The following EYS variants were observed in gnomAD, a reference collection of about 807,000 sequenced individuals.
EYS encodes protein eyes shut homolog.
EYS carries 250 observed loss-of-function variants against 282.1 expected under a neutral mutation model. That is an observed-to-expected ratio of 0.89 (90% confidence interval 0.80 to 0.98). The LOEUF (loss-of-function observed/expected upper bound fraction) is 0.98. EYS is among the 50% of genes least tolerant of loss of function. EYS has a pLI of 0.00. For synonymous variants in EYS, 1,355 were observed against 1,282.9 expected, an observed-to-expected ratio of 1.06 and a Z score of -1.20; for missense variants, 4,016 against 3,709.0, an observed-to-expected ratio of 1.08 and a Z score of -2.15.
intron 12 of EYS, among the ~76,000 whole-genome samples, chr6:65,172,711 T>G (rs1204452486): frequency 6.6e-6 from 1 of 151,394 alleles, no homozygotes; most frequent in Non-Finnish European, 1.5e-5. Flanking sequence ...ATTTTGGTCC[T>G]TGCAAACTTG....
At chr6:65,286,168 C>T (rs115090053) in intron 12 of EYS, among the ~76,000 whole-genome samples, 3,764 of 151,930 alleles carry the variant, frequency 0.025, 136 homozygotes, top group African/African-American at 0.083. Flanking sequence ...TCTCTATTCT[C>T]ATTTACTCTC....
At chr6:65,575,304 G>C (rs905189195) in intron 2 of EYS, among the ~76,000 whole-genome samples, 1 of 148,536 alleles carries the variant, frequency 6.7e-6, no homozygotes, top group Non-Finnish European at 1.5e-5. Flanking sequence ...TCCAGCCTGG[G>C]TGACAGAGTG....
At chr6:65,392,358 A>G (rs975383945) in intron 7 of EYS, among the ~76,000 whole-genome samples, 4 of 152,170 alleles carry the variant, frequency 2.6e-5, no homozygotes, top group African/African-American at 9.7e-5. Flanking sequence ...GCACAGCAAA[A>G]GAAACTACCA....
chr6:64,853,961 A>G (rs1765967484), intron 19 of EYS, among the ~76,000 whole-genome samples: 1 of 152,018 alleles, frequency 6.6e-6, no homozygotes, highest in South Asian at 2.1e-4. Flanking sequence ...ACACTTCTCA[A>G]AATAAGACAT....
At chr6:65,361,157 A>G (rs6455040) in intron 8 of EYS, among the ~76,000 whole-genome samples, 101,718 of 151,104 alleles carry the variant, frequency 0.67, 34,348 homozygotes, top group South Asian at 0.71. Flanking sequence ...TGGGAATTGT[A>G]CAATGAGAAC....
At chr6:65,585,800 AC>A in intron 2 of EYS, among the ~76,000 whole-genome samples, 1 of 152,062 alleles carries the variant, frequency 6.6e-6, no homozygotes, top group Admixed American at 6.6e-5. Flanking sequence ...TGAGAGTCTT[AC>A]AGTTATTGTT....
intron 11 of EYS, among the ~76,000 whole-genome samples, chr6:65,326,737 A>G (rs1190168391): frequency 6.6e-6 from 1 of 151,528 alleles, no homozygotes; most frequent in Admixed American, 6.6e-5. Flanking sequence ...CATTCATTAT[A>G]ATTTTAAGAT....
intron 33 of EYS, among the ~76,000 whole-genome samples, chr6:64,043,980 T>C (rs1770508266): frequency 6.6e-6 from 1 of 152,212 alleles, no homozygotes; most frequent in South Asian, 2.1e-4. Context: ...GAGGAACTTT[T>C]CATGAAAACC....
rs191634482 is a variant in EYS, at chr6:64,069,799, C to T, written c.6572-3308G>A. On this transcript the variant is annotated intron_variant, in intron 32 of 42. Transcript: ENST00000503581. ...CTAAAGAGCTTTTGTTTACATGTTT[C>T]GCATCTTTTGATTTACTGAATTACC... Among the ~76,000 whole-genome samples, 183 of 152,092 alleles carry T rather than the reference C, an allele frequency of 1.2e-3. 1 individual carries two copies. Among genetic ancestry groups the T allele is most frequent in the African/African-American group, 4.2e-3 (174 of 41,520 alleles).
intron 31 of EYS, among the ~76,000 whole-genome samples, chr6:64,204,429 T>C (rs1382074615): frequency 6.6e-6 from 1 of 152,154 alleles, no homozygotes; most frequent in Non-Finnish European, 1.5e-5. Context: ...TAGCATCTTT[T>C]TTTAATTGTA....
chr6:65,531,853 G>A (rs558633292), intron 2 of EYS, among the ~76,000 whole-genome samples: 5 of 152,014 alleles, frequency 3.3e-5, no homozygotes, highest in Admixed American at 1.3e-4. Context: ...TTGTTTCATC[G>A]GTAATATATA....
intron 2 of EYS, among the ~76,000 whole-genome samples, chr6:65,560,407 T>C (rs1354568356): frequency 6.8e-6 from 1 of 147,732 alleles, no homozygotes; most frequent in Non-Finnish European, 1.5e-5. Flanking sequence ...ATAACATAAT[T>C]ATATAATAAC....
At chr6:65,228,675 G>A (rs1766691911) in intron 12 of EYS, among the ~76,000 whole-genome samples, 1 of 151,938 alleles carries the variant, frequency 6.6e-6, no homozygotes, top group South Asian at 2.1e-4. Context: ...TATAGAAATA[G>A]GCAAGATGGT....
intron 19 of EYS, among the ~76,000 whole-genome samples, chr6:64,864,580 T>C (rs1431204202): frequency 7.2e-6 from 1 of 139,560 alleles, no homozygotes; most frequent in Non-Finnish European, 1.6e-5. Flanking sequence ...GAGATGGGGA[T>C]TCACCATGTT....
chr6:64,924,937 A>G (rs1038416916), intron 15 of EYS, among the ~76,000 whole-genome samples: 1 of 151,954 alleles, frequency 6.6e-6, no homozygotes, highest in Admixed American at 6.6e-5. Context: ...AACTGTTCCA[A>G]CCTCTGACTA....
At chr6:64,855,097 C>T (rs144682355) in intron 19 of EYS, among the ~76,000 whole-genome samples, 43 of 151,986 alleles carry the variant, frequency 2.8e-4, no homozygotes, top group East Asian at 2.5e-3. Context: ...AGATTATCTA[C>T]GGTTTGCATC....
chr6:64,483,291 G>C (rs1358727658), intron 26 of EYS, among the ~76,000 whole-genome samples: 2 of 151,610 alleles, frequency 1.3e-5, no homozygotes, highest in African/African-American at 4.8e-5. Context: ...CTTCCCTGCT[G>C]TCTCCCCTTC....
intron 15 of EYS, among the ~76,000 whole-genome samples, chr6:64,936,796 T>C (rs547240393): frequency 6.6e-6 from 1 of 151,610 alleles, no homozygotes; most frequent in Non-Finnish European, 1.5e-5. Flanking sequence ...ATTAAAGTTA[T>C]GGCTGCCATT....
At chr6:63,802,765 A>T (rs1422748073) in intron 37 of EYS, among the ~76,000 whole-genome samples, 1 of 152,128 alleles carries the variant, frequency 6.6e-6, no homozygotes, top group Non-Finnish European at 1.5e-5. Flanking sequence ...GCTCTTTAGT[A>T]TGATTTGTAT....
Sources: allele counts gnomAD v4.1 joint callset (sites outside exome capture counted in the v4.1 genomes callset), GRCh38; gene constraint gnomAD v4.1.1; transcripts MANE v1.5; gene names NCBI Gene and HGNC (gene_info 2026-07-23, HGNC 2026-07-21).